The following FRYL variants were observed in gnomAD, a reference collection of about 807,000 sequenced individuals.
FRYL encodes the protein FRY like transcription coactivator.
In FRYL, 150 loss-of-function variants were observed where a neutral mutation model predicts 351.2. The observed-to-expected ratio is 0.43, with a 90% CI of 0.37 to 0.49. The LOEUF is 0.49. FRYL is among the 20% of genes least tolerant of loss of function. The pLI, the probability that FRYL is intolerant of heterozygous loss-of-function variation, is 0.00. For synonymous variants in FRYL, 1,153 were observed against 1,257.1 expected, an observed-to-expected ratio of 0.92 and a Z score of 1.75; for missense variants, 3,036 against 3,619.3, an observed-to-expected ratio of 0.84 and a Z score of 4.13.
intron 3 of FRYL, among the ~76,000 whole-genome samples, chr4:48,660,114 G>C (rs79794537): frequency 6.6e-6 from 1 of 151,390 alleles, no homozygotes; most frequent in Non-Finnish European, 1.5e-5. Flanking sequence ...GAAAGACAAG[G>C]GCTCAAAAAA....
chr4:48,687,509 A>AGGGGGGGGGGGGGGGGGGGGGGGGG (rs1560861203), intron 2 of FRYL, among the ~76,000 whole-genome samples: 1 of 9,794 alleles, frequency 1.0e-4, no homozygotes, highest in African/African-American at 3.5e-4. Context: ...GGGGGGGGTG[A>AGGGGGGGGGGGGGGGGGGGGGGGGG]GGGGGGAGGG....
chr4:48,609,878 A>C, intron 7 of FRYL, 55 bp from the exon 8 acceptor site: 1 of 808,470 alleles, frequency 1.2e-6, no homozygotes, highest in Non-Finnish European at 2.0e-6. Context: ...TTTTATGAGT[A>C]TTCTCATCAA....
At chr4:48,732,930 T>A (rs1405890271) in intron 1 of FRYL, among the ~76,000 whole-genome samples, 2 of 142,594 alleles carry the variant, frequency 1.4e-5, no homozygotes, top group Non-Finnish European at 1.5e-5. Context: ...ATAACAATAT[T>A]AAAAAAAAAA....
At chr4:48,779,391 C>G (rs892212306) in intron 1 of FRYL, among the ~76,000 whole-genome samples, 1 of 152,162 alleles carries the variant, frequency 6.6e-6, no homozygotes, top group African/African-American at 2.4e-5. Context: ...TCCCGGGGTA[C>G]GCCAACGGCC....
intron 22 of FRYL, among the ~76,000 whole-genome samples, chr4:48,579,978 G>A (rs1274599777): frequency 6.6e-5 from 10 of 151,472 alleles, no homozygotes; most frequent in Admixed American, 3.3e-4. Context: ...AAATTGCACC[G>A]CATAAATATG....
intron 2 of FRYL, among the ~76,000 whole-genome samples, chr4:48,691,403 AT>A (rs1243215579): frequency 6.6e-6 from 1 of 152,184 alleles, no homozygotes; most frequent in East Asian, 1.9e-4. Flanking sequence ...TTTTTTAAAA[AT>A]ATATTGACTA....
intron 3 of FRYL, among the ~76,000 whole-genome samples, chr4:48,666,132 C>A (rs547992252): frequency 1.3e-5 from 2 of 152,102 alleles, no homozygotes; most frequent in Non-Finnish European, 2.9e-5. Context: ...GAGGCCAAGG[C>A]GGGCAGATCA....
At chr4:48,712,620 T>A (rs377516665) in intron 1 of FRYL, among the ~76,000 whole-genome samples, 28 of 152,104 alleles carry the variant, frequency 1.8e-4, no homozygotes, top group Non-Finnish European at 4.4e-5. Flanking sequence ...ATGGGGAGAA[T>A]GGAATCAAGT....
intron 9 of FRYL, among the ~76,000 whole-genome samples, chr4:48,608,234 C>A (rs980228158): frequency 2.0e-5 from 3 of 152,012 alleles, no homozygotes; most frequent in African/African-American, 7.2e-5. Context: ...TATTAAAATG[C>A]AAACTACTTA....
At chr4:48,699,353 G>C (rs1578757786) in intron 2 of FRYL, among the ~76,000 whole-genome samples, 1 of 152,214 alleles carries the variant, frequency 6.6e-6, no homozygotes, top group Middle Eastern at 3.4e-3. Flanking sequence ...AAACATAAGA[G>C]TTTGCCCTAT....
chr4:48,610,727 T>A (rs541116931), intron 7 of FRYL, among the ~76,000 whole-genome samples: 5 of 134,400 alleles, frequency 3.7e-5, no homozygotes, highest in African/African-American at 1.3e-4. Context: ...ATACATATAT[T>A]ATATACATGT....
intron 3 of FRYL, among the ~76,000 whole-genome samples, chr4:48,667,386 C>T (rs1286055920): frequency 2.6e-5 from 4 of 151,782 alleles, no homozygotes; most frequent in Non-Finnish European, 4.4e-5. Context: ...AATAAAACAT[C>T]CGGCCTTCCA....
chr4:48,585,352 A>G (rs183752081), intron 19 of FRYL, among the ~76,000 whole-genome samples: 9 of 152,330 alleles, frequency 5.9e-5, no homozygotes, highest in African/African-American at 2.2e-4. Flanking sequence ...TCTGATCACA[A>G]CAGGCAACAG....
Position 48,527,462 on chromosome 4 carries a change from A to G in FRYL, c.7317+15T>C, listed in dbSNP as rs776602341. The G allele has an allele frequency of 6.3e-7, 1 of 1,593,440 alleles. No homozygotes were observed. The highest frequency in any genetic ancestry group is 1.1e-5 in the South Asian group (1 of 89,104). On this transcript the variant is annotated intron_variant, in intron 53 of 63. Transcript: ENST00000358350. The stretch of plus-strand genomic sequence containing the variant: ...CTGTTCTATAAATATTAACAGAGAA[A>G]GCCCACATCCTTACCTCTGCATCTT...
chr4:48,754,658 T>G (rs984663201), intron 1 of FRYL, among the ~76,000 whole-genome samples: 3 of 75,908 alleles, frequency 4.0e-5, no homozygotes, highest in African/African-American at 8.0e-5. Flanking sequence ...TTTTCTGGGG[T>G]TTTTTTGGGG....
intron 2 of FRYL, among the ~76,000 whole-genome samples, chr4:48,690,516 C>A (rs918293465): frequency 9.9e-5 from 15 of 152,214 alleles, no homozygotes; most frequent in African/African-American, 3.4e-4. Flanking sequence ...CCAGAAGTTG[C>A]CTACAAAGTC....
chr4:48,665,795 G>C (rs1761616930), intron 3 of FRYL, among the ~76,000 whole-genome samples: 1 of 152,154 alleles, frequency 6.6e-6, no homozygotes, highest in African/African-American at 2.4e-5. Flanking sequence ...GGTGTACGGA[G>C]ACCTCTTACA....
chr4:48,510,936 G>C lies in FRYL; in HGVS notation c.8194C>G (p.Leu2732Val). The change falls in exon 58 of 64, where the codon CTT (leucine) becomes GTT (valine). Residue 2732 changes from leucine (L) to valine (V), a missense_variant. By Grantham distance (32) the Leu-to-Val change is conservative. Transcript: ENST00000358350. ...GEITNEAVSF[L>V]GDSLQRIGTK... ...CCAATGCGTTGCAGACTATCACCAA[G>C]AAAGCTGACTGCCTCATTAGTTATT... 1 of 1,612,596 alleles carries C rather than the reference G, an allele frequency of 6.2e-7. No individual in the cohort carries two copies. The highest frequency in any genetic ancestry group is 1.3e-5 in the African/African-American group (1 of 74,994).
chr4:48,716,235 A>G (rs1768812682), intron 1 of FRYL, among the ~76,000 whole-genome samples: 2 of 151,482 alleles, frequency 1.3e-5, no homozygotes, highest in South Asian at 2.1e-4. Context: ...CATGCCTAAA[A>G]CACCAAAAGC....
Sources: allele counts gnomAD v4.1 joint callset (sites outside exome capture counted in the v4.1 genomes callset), GRCh38; gene constraint gnomAD v4.1.1; transcripts MANE v1.5; gene names NCBI Gene and HGNC (gene_info 2026-07-23, HGNC 2026-07-21).